Variants in ZHX3 observed in about 807,000 individuals in gnomAD.
The protein encoded by ZHX3 is zinc fingers and homeoboxes protein 3.
In ZHX3, 20 loss-of-function variants were observed where a neutral mutation model predicts 64.5. That is an observed-to-expected ratio of 0.31 (90% CI 0.22 to 0.45). The LOEUF (loss-of-function observed/expected upper bound fraction) is 0.45. Ranked by LOEUF, ZHX3 falls within the 20% of genes least tolerant of loss-of-function variation. The probability of loss-of-function intolerance (pLI) is 1.00; values close to 1 mark genes in which losing one functional copy is unlikely to be tolerated. For synonymous variants in ZHX3, 423 were observed against 461.6 expected (o/e 0.92, Z 1.07); for missense variants, 1,041 against 1,195.8 (o/e 0.87, Z 1.91).
rs1233007986 is a variant in ZHX3 at position 41,261,816 on chromosome 20, C to T, written c.-151+7174G>A. On this transcript the variant is annotated intron_variant, in intron 2 of 3. Coordinates refer to ENST00000683867, the MANE Select transcript of ZHX3 (RefSeq NM_001384317.1). ...GTACAAGTGAGTCTCACACCTTTAT[C>T]TCCAGCCCCAACATCTCATCTGAGT... Among the ~76,000 whole-genome samples the T allele has an allele frequency of 2.4e-4, 36 of 152,182 alleles. 1 individual carries two copies. The highest frequency in any genetic ancestry group is 2.4e-3 in the Admixed American group (36 of 15,280).
intron 1 of ZHX3, among the ~76,000 whole-genome samples, chr20:41,285,367 G>A (rs972636502): frequency 2.6e-5 from 4 of 152,154 alleles, no homozygotes; most frequent in Non-Finnish European, 5.9e-5. Flanking sequence ...TCAGATTCCA[G>A]AGGAAATAAT....
rs2040265601 is a variant in ZHX3 at position 41,226,289 on chromosome 20, G to C, written c.-150-21223C>G. Among the ~76,000 whole-genome samples the C allele has an allele frequency of 6.6e-6, 1 of 152,062 alleles. No homozygotes were observed. The highest frequency in any genetic ancestry group is 1.5e-5 in the Non-Finnish European group (1 of 68,012). On this transcript the variant is annotated intron_variant, in intron 2 of 3. Transcript: ENST00000683867. This position sits in a 1 kb window ranked among gnomAD's most constrained non-coding sequence, Gnocchi z 4.4. ...GCGAATGGCATGAACGCGGGAGGTG[G>C]AGGTTGCAGTAAACTGAGATCGCGC...
intron 1 of ZHX3, among the ~76,000 whole-genome samples, chr20:41,274,653 G>A (rs1016622214): frequency 1.3e-5 from 2 of 152,088 alleles, no homozygotes; most frequent in Non-Finnish European, 2.9e-5. Flanking sequence ...TCTAAGACTC[G>A]CAATTGCAAG....
In ZHX3 at chr20:41,263,463, C is replaced by G. The variant is rs146328261; in HGVS notation, c.-151+5527G>C. Among the ~76,000 whole-genome samples, 10 of 150,330 alleles carry G rather than the reference C, an allele frequency of 6.7e-5. No individual in the cohort carries two copies. In the East Asian group the frequency reaches 1.9e-3, roughly 29 times the overall value. On this transcript the variant is annotated intron_variant, in intron 2 of 3. Transcript: ENST00000683867. ...AGGCTGCAGTGCAGTGGCGTGATCT[C>G]GGCTCACTGCAACCTCTGCCTCCCG... is the stretch of plus-strand genomic sequence containing the variant.
At chr20:41,233,993 C>T (rs776532935) in intron 2 of ZHX3, among the ~76,000 whole-genome samples, 1 of 152,140 alleles carries the variant, frequency 6.6e-6, no homozygotes, top group Admixed American at 6.6e-5. Context: ...TAAATGGCAA[C>T]AAACAAGCAA....
chr20:41,187,618 C>A (rs892164042), intron 3 of ZHX3, among the ~76,000 whole-genome samples: 3 of 151,980 alleles, frequency 2.0e-5, no homozygotes, highest in African/African-American at 7.3e-5. Flanking sequence ...TATTTTATTC[C>A]ATTGGTTTTG....
intron 2 of ZHX3, among the ~76,000 whole-genome samples, chr20:41,208,790 G>A (rs1039269821): frequency 2.4e-4 from 36 of 152,182 alleles, no homozygotes; most frequent in Non-Finnish European, 3.7e-4. Flanking sequence ...ACAAGACAGG[G>A]ATGCCCTCTC....
rs36076017 is a variant in ZHX3 at position 41,238,992 on chromosome 20, CTTTTTTTTT to C, written c.-151+29989_-151+29997del. On this transcript the variant is annotated intron_variant, in intron 2 of 3. Coordinates refer to ENST00000683867, the MANE Select transcript of ZHX3 (RefSeq NM_001384317.1). ...GAAAACAAGGGCCTATTTTCTCTCT[CTTTTTTTTT>C]TTTTTTTTTTTTTTTTTGGGAGACG... Among the ~76,000 whole-genome samples the C allele has an allele frequency of 2.1e-3, 180 of 86,322 alleles. 1 individual carries two copies. Among genetic ancestry groups the C allele is most frequent in the African/African-American group, 5.3e-3 (107 of 20,054 alleles). 56.6% of individuals were successfully genotyped at this position (86,322 alleles called of 152,430 possible).
chr20:41,271,749 C>G (rs1046207216), intron 1 of ZHX3, among the ~76,000 whole-genome samples: 2 of 152,132 alleles, frequency 1.3e-5, no homozygotes, highest in African/African-American at 4.8e-5. Context: ...GCTCCTCCTT[C>G]GAAAAACAAA....
At chr20:41,217,456 G>GT (rs1161021175) in intron 2 of ZHX3, among the ~76,000 whole-genome samples, 1 of 151,882 alleles carries the variant, frequency 6.6e-6, no homozygotes, top group Non-Finnish European at 1.5e-5. Context: ...AAGAAATCTT[G>GT]TATCATAAAT....
At chr20:41,210,701 G>A (rs2039094377) in intron 2 of ZHX3, among the ~76,000 whole-genome samples, 1 of 152,184 alleles carries the variant, frequency 6.6e-6, no homozygotes, top group African/African-American at 2.4e-5. Context: ...CTGTCGTGGG[G>A]TGGGGAGAGG....
intron 1 of ZHX3, among the ~76,000 whole-genome samples, chr20:41,304,328 G>A (rs781463879): frequency 1.3e-5 from 2 of 152,128 alleles, no homozygotes; most frequent in Non-Finnish European, 2.9e-5. Context: ...CTGTGGAAGT[G>A]TAGCTATATC....
rs1391361918 is a variant in ZHX3 at position 41,212,697 on chromosome 20, T to G, written c.-150-7631A>C. ...CTGTAATCCCAGCTACTCAGGAGGC[T>G]GAGGCAGGAGAATTGCTTGAACCTG... On this transcript the variant is annotated intron_variant, in intron 2 of 3. Coordinates refer to ENST00000683867, the MANE Select transcript of ZHX3 (RefSeq NM_001384317.1). This position sits in a 1 kb window ranked among gnomAD's most constrained non-coding sequence, Gnocchi z 4.3. Among the ~76,000 whole-genome samples the G allele has an allele frequency of 6.6e-6, 1 of 151,796 alleles. No homozygotes were observed. Among genetic ancestry groups the G allele is most frequent in the East Asian group, 1.9e-4 (1 of 5,196 alleles).
intron 1 of ZHX3, among the ~76,000 whole-genome samples, chr20:41,307,069 G>A (rs142837631): frequency 6.6e-6 from 1 of 152,338 alleles, no homozygotes; most frequent in Non-Finnish European, 1.5e-5. Context: ...TCCACTCCAT[G>A]GCAGGAAGAC....
At chr20:41,281,156 C>T (rs1342043611) in intron 1 of ZHX3, among the ~76,000 whole-genome samples, 3 of 152,096 alleles carry the variant, frequency 2.0e-5, no homozygotes, top group Non-Finnish European at 4.4e-5. Flanking sequence ...TCTGCAATTT[C>T]GGATGCTAAA....
chr20:41,244,098 T>C (rs2041549416), intron 2 of ZHX3, among the ~76,000 whole-genome samples: 1 of 152,070 alleles, frequency 6.6e-6, no homozygotes, highest in Non-Finnish European at 1.5e-5. Context: ...CATCCCTGAC[T>C]AGATGCCCAC....
chr20:41,306,116 G>A (rs995799810), intron 1 of ZHX3, among the ~76,000 whole-genome samples: 13 of 151,962 alleles, frequency 8.6e-5, no homozygotes, highest in African/African-American at 2.9e-4. Context: ...CTAAGTAGCT[G>A]GTTTCCTTAT....
intron 1 of ZHX3, among the ~76,000 whole-genome samples, chr20:41,300,621 G>A (rs904652504): frequency 6.6e-6 from 1 of 152,202 alleles, no homozygotes; most frequent in African/African-American, 2.4e-5. Context: ...TGGAAAAGGA[G>A]AAGTGGCACC....
intron 1 of ZHX3, among the ~76,000 whole-genome samples, chr20:41,285,867 A>G (rs1222922340): frequency 6.6e-6 from 1 of 152,242 alleles, no homozygotes; most frequent in Non-Finnish European, 1.5e-5. Flanking sequence ...CAGAACTATT[A>G]AGGATTAAAT....
Sources: gnomAD v4.1 joint callset for allele counts (sites outside exome capture counted in the v4.1 genomes callset) on GRCh38, gnomAD v4.1.1 for gene constraint, Gnocchi (gnomAD v3.1) non-coding constraint, MANE v1.5 for transcripts, NCBI Gene and HGNC (gene_info 2026-07-23, HGNC 2026-07-21) for gene names.